The following GPC6 variants were observed in gnomAD, a reference collection of about 807,000 sequenced individuals.
The protein encoded by GPC6 is glypican-6.
GPC6 carries 14 observed loss-of-function variants against 55.2 expected under a neutral mutation model. The observed-to-expected ratio is 0.25, with a 90% CI of 0.17 to 0.40. The LOEUF is 0.40. GPC6 is among the 10% of genes least tolerant of loss of function. GPC6 has a pLI of 1.00. For missense variants in GPC6, 641 were observed against 708.5 expected, an observed-to-expected ratio of 0.90 and a Z score of 1.08; for synonymous variants, 278 against 259.6, an observed-to-expected ratio of 1.07 and a Z score of -0.68.
intron 4 of GPC6, among the ~76,000 whole-genome samples, chr13:94,209,343 C>T (rs561211814): frequency 6.6e-6 from 1 of 152,124 alleles, no homozygotes; most frequent in South Asian, 2.1e-4. Context: ...TAATGGTTCC[C>T]TGGAGCTATT....
intron 3 of GPC6, among the ~76,000 whole-genome samples, chr13:93,946,702 G>C (rs2140368692): frequency 6.6e-6 from 1 of 152,220 alleles, no homozygotes. Context: ...CCAAACTCTT[G>C]AATATTAGAC....
At chr13:93,841,034 A>G (rs923505475) in intron 3 of GPC6, among the ~76,000 whole-genome samples, 1 of 152,150 alleles carries the variant, frequency 6.6e-6, no homozygotes, top group African/African-American at 2.4e-5. Context: ...GGCACACTGT[A>G]ATCACTTACA....
intron 2 of GPC6, among the ~76,000 whole-genome samples, chr13:93,803,259 A>C (rs1353212414): frequency 6.6e-6 from 1 of 152,210 alleles, no homozygotes; most frequent in Non-Finnish European, 1.5e-5. Flanking sequence ...AACAATGAAA[A>C]GACAACTCTA....
At chr13:94,266,138 T>G (rs1239187197) in intron 4 of GPC6, among the ~76,000 whole-genome samples, 1 of 128,456 alleles carries the variant, frequency 7.8e-6, no homozygotes, top group Non-Finnish European at 1.7e-5. Context: ...TTTCTTTTCT[T>G]TACTTTTCTT....
intron 2 of GPC6, among the ~76,000 whole-genome samples, chr13:93,651,656 A>C (rs560475599): frequency 1.4e-4 from 21 of 152,272 alleles, no homozygotes; most frequent in African/African-American, 5.1e-4. Context: ...CCAAAGGGAC[A>C]CAATGCAGAC....
intron 3 of GPC6, among the ~76,000 whole-genome samples, chr13:93,988,548 C>T (rs1018327993): frequency 2.6e-5 from 4 of 152,284 alleles, no homozygotes; most frequent in Non-Finnish European, 4.4e-5. Context: ...AAGGTGCCAG[C>T]ACATTGTGTC....
chr13:93,473,368 C>T (rs571058632), intron 1 of GPC6, among the ~76,000 whole-genome samples: 10 of 152,272 alleles, frequency 6.6e-5, no homozygotes, highest in East Asian at 3.9e-4. Context: ...ACTGCTGGAG[C>T]GTGCACACAC....
chr13:94,102,430 A>C (rs1885900878), intron 4 of GPC6, among the ~76,000 whole-genome samples: 3 of 146,652 alleles, frequency 2.0e-5, no homozygotes, highest in East Asian at 2.0e-4. Flanking sequence ...CCCCAAACCC[A>C]CTCTTCCAAT....
chr13:94,053,108 A>G (rs1884010472), intron 4 of GPC6, among the ~76,000 whole-genome samples: 1 of 152,202 alleles, frequency 6.6e-6, no homozygotes, highest in African/African-American at 2.4e-5. Context: ...GTCATGGGTA[A>G]TTGACAGAAT....
intron 1 of GPC6, among the ~76,000 whole-genome samples, chr13:93,285,470 T>A (rs977849659): frequency 6.6e-6 from 1 of 152,192 alleles, no homozygotes; most frequent in Admixed American, 6.5e-5. Context: ...AGTCCTAGTT[T>A]GTCAATTAGA....
rs146122550 is a variant in GPC6, at chr13:94,382,515, C to T, written c.1254C>T (p.Asn418=). 5.9e-5 allele frequency: 96 copies of T among 1,614,142 alleles called. No homozygotes were observed. Among genetic ancestry groups the T allele is most frequent in the African/African-American group, 4.9e-4 (37 of 75,036 alleles). The change falls in exon 7 of 9, where the codon AAC becomes AAT. Residue 418 remains asparagine (N), a synonymous_variant. Coordinates refer to ENST00000377047, the MANE Select transcript of GPC6 (RefSeq NM_005708.5). ...AGAGCGTGACAGCGGGCACGTCCAA[C>T]GAGGAGGAATGCTGGAACGGGCACA... ...KDESVTAGTS[N]EEECWNGHSK... is the part of the protein sequence containing the mutation.
At chr13:93,231,792 G>GA (rs940265017) in intron 1 of GPC6, among the ~76,000 whole-genome samples, 179 of 150,494 alleles carry the variant, frequency 1.2e-3, no homozygotes, top group African/African-American at 3.9e-3. Context: ...CCACAGATTA[G>GA]AAAAAAAAAT....
chr13:93,241,970 C>T (rs1176032575), intron 1 of GPC6, among the ~76,000 whole-genome samples: 3 of 152,008 alleles, frequency 2.0e-5, no homozygotes, highest in Non-Finnish European at 4.4e-5. Flanking sequence ...TTTCTTAGGT[C>T]GTGCTTTTAG....
intron 1 of GPC6, among the ~76,000 whole-genome samples, chr13:93,303,389 T>TGTGTA (rs1566288597): frequency 6.6e-6 from 1 of 152,174 alleles, no homozygotes; most frequent in Admixed American, 6.5e-5. Context: ...ACATGAAATC[T>TGTGTA]TTAGGACAGT....
chr13:93,815,805 T>C (rs1886827617), intron 2 of GPC6, among the ~76,000 whole-genome samples: 1 of 151,494 alleles, frequency 6.6e-6, no homozygotes, highest in African/African-American at 2.4e-5. Context: ...TTCATTACCT[T>C]TGAATGAAGA....
At chr13:93,809,102 G>C (rs1886623605) in intron 2 of GPC6, among the ~76,000 whole-genome samples, 1 of 152,158 alleles carries the variant, frequency 6.6e-6, no homozygotes. Context: ...ATTTACTTTA[G>C]ATCCTGCGAC....
At chr13:93,259,190 C>T (rs1340833406) in intron 1 of GPC6, among the ~76,000 whole-genome samples, 1 of 152,114 alleles carries the variant, frequency 6.6e-6, no homozygotes, top group Non-Finnish European at 1.5e-5. Context: ...AATATGTGCT[C>T]ATGAACCACT....
intron 1 of GPC6, among the ~76,000 whole-genome samples, chr13:93,468,028 T>A (rs1279438372): frequency 1.3e-5 from 2 of 152,190 alleles, no homozygotes; most frequent in African/African-American, 2.4e-5. Context: ...TTGATTTTTT[T>A]ATCCACAGAT....
intron 1 of GPC6, among the ~76,000 whole-genome samples, chr13:93,479,295 G>T (rs1421083413): frequency 6.6e-6 from 1 of 152,108 alleles, no homozygotes; most frequent in African/African-American, 2.4e-5. Context: ...TTTGACAATT[G>T]TACAAGTATA....
Sources: allele counts gnomAD v4.1 joint callset (sites outside exome capture counted in the v4.1 genomes callset), GRCh38; gene constraint gnomAD v4.1.1; transcripts MANE v1.5; gene names NCBI Gene and HGNC (gene_info 2026-07-23, HGNC 2026-07-21).